The following GALNT17 variants were observed in gnomAD, a reference collection of about 807,000 sequenced individuals.
GALNT17 encodes UDP-GalNAc:polypeptide N-acetylgalactosaminyltransferase-like 3.
Under a neutral mutation model 63.7 loss-of-function variants are expected in GALNT17, and 29 were observed. The observed-to-expected ratio is 0.46, with a 90% CI of 0.34 to 0.62. The LOEUF (loss-of-function observed/expected upper bound fraction) is 0.62. Among genes scored for constraint, GALNT17 ranks in the 20% least tolerant of loss-of-function variants. The pLI is 0.01. For missense variants in GALNT17, 603 were observed against 799.6 expected (o/e 0.75, Z 2.97); for synonymous variants, 305 against 318.3 (o/e 0.96, Z 0.45).
intron 5 of GALNT17, among the ~76,000 whole-genome samples, chr7:71,423,814 C>T (rs1786709938): frequency 6.6e-6 from 1 of 151,910 alleles, no homozygotes; most frequent in African/African-American, 2.4e-5. Flanking sequence ...CTCAGCTACC[C>T]AGGAAGCTGA....
chr7:71,478,177 C>T (rs1787755428), intron 5 of GALNT17, among the ~76,000 whole-genome samples: 1 of 152,100 alleles, frequency 6.6e-6, no homozygotes, highest in African/African-American at 2.4e-5. Context: ...GTGCTTGTAG[C>T]TGGGGGAGAA....
At position 71,712,249 on chromosome 7, in the gene GALNT17, G is replaced by A. The variant is rs1303318397; in HGVS notation, c.*103G>A. The A allele has an allele frequency of 6.7e-6, 10 of 1,490,914 alleles. No individual in the cohort carries two copies. The highest frequency in any genetic ancestry group is 1.3e-5 in the South Asian group (1 of 75,146). The allele number at this position is 1,490,914 out of a possible 1,614,324, so 92.4% of individuals were successfully genotyped here. On this transcript the variant is annotated 3_prime_UTR_variant, in exon 11 of 11. Transcript: ENST00000333538. ...CGGAGAGACAGCAAGGGGCCGGCAG[G>A]TGCTCGATGGGCCCCCCAGGGCTTC...
chr7:71,379,674 G>A (rs1792808921), intron 2 of GALNT17, among the ~76,000 whole-genome samples: 2 of 152,158 alleles, frequency 1.3e-5, no homozygotes, highest in African/African-American at 4.8e-5. Flanking sequence ...AGACAGGGTG[G>A]TGGCCTTCAG....
At chr7:71,570,875 G>T (rs1789429162) in intron 5 of GALNT17, among the ~76,000 whole-genome samples, 2 of 152,112 alleles carry the variant, frequency 1.3e-5, no homozygotes. Context: ...CTACTCAGGG[G>T]GTTGAGGCAG....
intron 6 of GALNT17, among the ~76,000 whole-genome samples, chr7:71,605,660 C>T (rs1288458207): frequency 6.6e-6 from 1 of 151,398 alleles, no homozygotes. Context: ...TCAATAGTTA[C>T]AATAAGGTGT....
intron 5 of GALNT17, among the ~76,000 whole-genome samples, chr7:71,562,174 G>C (rs980332343): frequency 6.6e-6 from 1 of 151,812 alleles, no homozygotes; most frequent in South Asian, 2.1e-4. Context: ...TATGCTGCCC[G>C]GTCTGTTCTC....
chr7:71,596,171 T>C (rs1486434583), intron 6 of GALNT17, among the ~76,000 whole-genome samples: 2 of 152,162 alleles, frequency 1.3e-5, no homozygotes, highest in Non-Finnish European at 2.9e-5. Context: ...CCCAAGTAGC[T>C]GGGATTACAG....
chr7:71,515,541 A>C (rs1181474188), intron 5 of GALNT17, among the ~76,000 whole-genome samples: 1 of 151,872 alleles, frequency 6.6e-6, no homozygotes, highest in Non-Finnish European at 1.5e-5. Flanking sequence ...TCTAAGGAGC[A>C]CTCCCTGAGG....
At chr7:71,276,808 G>A (rs967673965) in intron 1 of GALNT17, among the ~76,000 whole-genome samples, 1 of 152,034 alleles carries the variant, frequency 6.6e-6, no homozygotes. Context: ...GACCAGCCTG[G>A]CCAACATGGT....
intron 5 of GALNT17, among the ~76,000 whole-genome samples, chr7:71,545,261 C>T (rs1446246315): frequency 6.6e-6 from 1 of 152,062 alleles, no homozygotes; most frequent in Non-Finnish European, 1.5e-5. Flanking sequence ...TTTCACATCT[C>T]TCTGTTTATT....
chr7:71,234,959 C>T (rs1034592697), intron 1 of GALNT17, among the ~76,000 whole-genome samples: 2 of 152,066 alleles, frequency 1.3e-5, no homozygotes, highest in East Asian at 1.9e-4. Context: ...ATAAAAAGTT[C>T]GGTCTGTTCA....
intron 1 of GALNT17, among the ~76,000 whole-genome samples, chr7:71,321,926 TCCCTCCCTCCCTCCCTCC>T (rs1563001265): frequency 1.5e-3 from 59 of 39,630 alleles, no homozygotes; most frequent in South Asian, 5.3e-3. Flanking sequence ...TTCCTTCCCC[TCCCTCCCTCCCTCCCTCC>T]CTTCCTTCCT....
intron 1 of GALNT17, among the ~76,000 whole-genome samples, chr7:71,333,211 A>C (rs1354670131): frequency 2.0e-5 from 3 of 152,120 alleles, no homozygotes; most frequent in Non-Finnish European, 4.4e-5. Context: ...CAGGTTATAC[A>C]GATTTACCTA....
At chr7:71,527,194 A>G (rs576278607) in intron 5 of GALNT17, among the ~76,000 whole-genome samples, 9 of 152,214 alleles carry the variant, frequency 5.9e-5, no homozygotes, top group Admixed American at 2.0e-4. Flanking sequence ...ATATATGAAA[A>G]CATCACCCAT....
intron 2 of GALNT17, among the ~76,000 whole-genome samples, chr7:71,344,010 A>G (rs535854450): frequency 5.3e-5 from 8 of 152,146 alleles, no homozygotes; most frequent in African/African-American, 1.9e-4. Context: ...GCACTGTGCC[A>G]GCAGTTTGGA....
chr7:71,324,379 A>T (rs1791668130), intron 1 of GALNT17, among the ~76,000 whole-genome samples: 1 of 152,162 alleles, frequency 6.6e-6, no homozygotes, highest in Non-Finnish European at 1.5e-5. Context: ...GGCCCAGCAC[A>T]GTGGCTCACA....
intron 1 of GALNT17, among the ~76,000 whole-genome samples, chr7:71,189,957 C>T (rs945096561): frequency 6.6e-6 from 1 of 151,882 alleles, no homozygotes; most frequent in Non-Finnish European, 1.5e-5. Context: ...ACTACAGGTG[C>T]CTGCCACCAC....
chr7:71,623,828 TC>T (rs1284404984), intron 6 of GALNT17, among the ~76,000 whole-genome samples: 3 of 152,052 alleles, frequency 2.0e-5, no homozygotes, highest in African/African-American at 7.2e-5. Flanking sequence ...CATACAGTCT[TC>T]CCCCGTCCTG....
At chr7:71,253,129 A>G (rs1340959140) in intron 1 of GALNT17, among the ~76,000 whole-genome samples, 2 of 152,198 alleles carry the variant, frequency 1.3e-5, no homozygotes, top group Non-Finnish European at 1.5e-5. Context: ...AATGAATGCA[A>G]CCACGTACCT....
Sources: allele counts gnomAD v4.1 joint callset (sites outside exome capture counted in the v4.1 genomes callset), GRCh38; gene constraint gnomAD v4.1.1; transcripts MANE v1.5; gene names NCBI Gene and HGNC (gene_info 2026-07-23, HGNC 2026-07-21).